Variants in PTPRN2 observed in about 807,000 individuals in gnomAD.
PTPRN2 encodes receptor-type tyrosine-protein phosphatase N2.
Under a neutral mutation model 118.8 loss-of-function variants are expected in PTPRN2, and 74 were observed. The ratio of observed to expected loss-of-function variants is 0.62; its 90% CI spans 0.52 to 0.76. The LOEUF is 0.76. PTPRN2 is among the 30% of genes least tolerant of loss of function. The pLI is 0.00. For synonymous variants in PTPRN2, 641 were observed against 608.0 expected (o/e 1.05, Z -0.80); for missense variants, 1,481 against 1,394.4 (o/e 1.06, Z -0.99).
chr7:157,813,179 G>A lies in PTPRN2; in HGVS notation c.1788+85494C>T, dbSNP rs563590369. On this transcript the variant is annotated intron_variant, in intron 12 of 22. Coordinates refer to ENST00000389418, the MANE Select transcript of PTPRN2 (RefSeq NM_002847.5). The surrounding 1 kb of genome is among the most constrained non-coding windows in gnomAD (Gnocchi z 4.7). ...CCACAGACAAGCATCTCCAGAGCGCGTGGGACCGTAGAGAAGGCAGTGACA... is the reference window on the plus strand; with the variant it reads ...CCACAGACAAGCATCTCCAGAGCGCATGGGACCGTAGAGAAGGCAGTGACA... 3.9e-5 allele frequency among the ~76,000 whole-genome samples: 6 copies of A among 152,294 alleles called. No homozygotes were observed. The highest frequency in any genetic ancestry group is 7.2e-5 in the African/African-American group (3 of 41,542).
At chr7:158,167,724 T>C (rs1823161101) in intron 5 of PTPRN2, among the ~76,000 whole-genome samples, 1 of 152,212 alleles carries the variant, frequency 6.6e-6, no homozygotes. Context: ...GAGTCTCTTC[T>C]GGACGTTTGG....
intron 2 of PTPRN2, among the ~76,000 whole-genome samples, chr7:158,383,026 G>A (rs1347900406): frequency 6.6e-6 from 1 of 152,102 alleles, no homozygotes; most frequent in African/African-American, 2.4e-5. Context: ...CTGTCTTACA[G>A]CCTATTGATA....
chr7:157,889,855 C>T (rs965195305), intron 12 of PTPRN2, among the ~76,000 whole-genome samples: 23 of 152,226 alleles, frequency 1.5e-4, no homozygotes, highest in African/African-American at 4.6e-4. Context: ...TTCCCAATTA[C>T]GAGCCTCGTC....
At chr7:157,695,203 G>T (rs1204492193) in intron 12 of PTPRN2, among the ~76,000 whole-genome samples, 1 of 151,930 alleles carries the variant, frequency 6.6e-6, no homozygotes, top group East Asian at 1.9e-4. Flanking sequence ...AATTATCAAA[G>T]AAAATGTATT....
At chr7:157,913,782 TTCTC>T (rs1395806067) in intron 11 of PTPRN2, among the ~76,000 whole-genome samples, 2 of 152,256 alleles carry the variant, frequency 1.3e-5, no homozygotes, top group African/African-American at 4.8e-5. Context: ...TTGAGGAAAT[TTCTC>T]TCTAATTGTC....
chr7:158,038,644 AAC>A (rs1808240202), intron 11 of PTPRN2, among the ~76,000 whole-genome samples: 1 of 150,262 alleles, frequency 6.7e-6, no homozygotes, highest in South Asian at 2.1e-4. Context: ...TGCTATATAT[AAC>A]ACATATAGCA....
chr7:158,413,058 C>T (rs1452155162), intron 2 of PTPRN2, among the ~76,000 whole-genome samples: 2 of 149,622 alleles, frequency 1.3e-5, no homozygotes, highest in South Asian at 4.2e-4. Context: ...GTGCCCTTCT[C>T]AGCTCCAGGG....
intron 2 of PTPRN2, among the ~76,000 whole-genome samples, chr7:158,321,998 T>C (rs1803060917): frequency 6.6e-6 from 1 of 152,220 alleles, no homozygotes; most frequent in African/African-American, 2.4e-5. Context: ...TGCTCCTCGA[T>C]GACGGCTTCG....
intron 3 of PTPRN2, among the ~76,000 whole-genome samples, chr7:158,247,101 G>A (rs1250894649): frequency 1.3e-5 from 2 of 152,196 alleles, no homozygotes; most frequent in Non-Finnish European, 2.9e-5. Context: ...GCTGCCTCAA[G>A]GAATGAGGAG....
intron 6 of PTPRN2, among the ~76,000 whole-genome samples, chr7:158,164,175 G>T (rs780049493): frequency 2.0e-5 from 3 of 152,104 alleles, no homozygotes; most frequent in Admixed American, 6.5e-5. Context: ...CCAAGGCAGG[G>T]AGGTGAAGCT....
intron 11 of PTPRN2, among the ~76,000 whole-genome samples, chr7:157,973,748 A>G (rs1306827637): frequency 6.6e-6 from 1 of 152,202 alleles, no homozygotes; most frequent in Non-Finnish European, 1.5e-5. Flanking sequence ...TTGTAATGGC[A>G]ATGTAAAATT....
At chr7:158,341,731 G>A (rs1413847775) in intron 2 of PTPRN2, among the ~76,000 whole-genome samples, 31 of 139,984 alleles carry the variant, frequency 2.2e-4, no homozygotes, top group South Asian at 2.0e-3. Context: ...GCTGACGCCC[G>A]CAGACGTCAC....
At chr7:158,410,670 G>A (rs767899068) in intron 2 of PTPRN2, among the ~76,000 whole-genome samples, 5 of 152,198 alleles carry the variant, frequency 3.3e-5, no homozygotes, top group Admixed American at 6.5e-5. Context: ...CCAGAGCCTC[G>A]GAATGTAACT....
chr7:157,912,629 AT>A (rs1306986534), intron 11 of PTPRN2, among the ~76,000 whole-genome samples: 1 of 152,152 alleles, frequency 6.6e-6, no homozygotes, highest in Non-Finnish European at 1.5e-5. Flanking sequence ...TTCCTAAAAG[AT>A]TTTTGTCCTT....
chr7:157,559,444 G>C (rs1384122551), intron 21 of PTPRN2, among the ~76,000 whole-genome samples: 1 of 152,196 alleles, frequency 6.6e-6, no homozygotes, highest in African/African-American at 2.4e-5. Context: ...TGGACGAGCA[G>C]AGGAATGAGG....
At chr7:157,934,592 A>G (rs761223355) in intron 11 of PTPRN2, among the ~76,000 whole-genome samples, 1 of 152,150 alleles carries the variant, frequency 6.6e-6, no homozygotes, top group East Asian at 1.9e-4. Context: ...AAAGAATCAC[A>G]TTTGTTTAAT....
intron 2 of PTPRN2, among the ~76,000 whole-genome samples, chr7:158,415,192 T>C (rs1168567160): frequency 6.6e-6 from 1 of 152,212 alleles, no homozygotes; most frequent in Admixed American, 6.5e-5. Flanking sequence ...TGCTTCCCAA[T>C]TAATCTTTAC....
intron 11 of PTPRN2, among the ~76,000 whole-genome samples, chr7:158,064,138 T>C (rs1215244975): frequency 6.6e-6 from 1 of 152,194 alleles, no homozygotes; most frequent in Non-Finnish European, 1.5e-5. Flanking sequence ...AGCCTCTAAG[T>C]ACAAACCTTC....
rs573314536 is a variant in PTPRN2, at chr7:158,017,208, C to T, written c.1723+64090G>A. On this transcript the variant is annotated intron_variant, in intron 11 of 22. Coordinates refer to ENST00000389418, the MANE Select transcript of PTPRN2 (RefSeq NM_002847.5). Reference sequence around the variant, plus strand: ...CCAGCACATGCTGACAAGAGTGGCTCAAAATGAAGGAGCTTGTTTCAGAAG... The same window carrying T: ...CCAGCACATGCTGACAAGAGTGGCTTAAAATGAAGGAGCTTGTTTCAGAAG... Among the ~76,000 whole-genome samples, 7 of 152,294 alleles carry T rather than the reference C, an allele frequency of 4.6e-5. No individual in the cohort carries two copies. The South Asian group carries it at 1.2e-3, about 27-fold the overall frequency.
Sources: allele counts gnomAD v4.1 joint callset (sites outside exome capture counted in the v4.1 genomes callset), GRCh38; gene constraint gnomAD v4.1.1; non-coding constraint Gnocchi (gnomAD v3.1); transcripts MANE v1.5; gene names NCBI Gene and HGNC (gene_info 2026-07-23, HGNC 2026-07-21).